Variants in ADGRG1 observed in about 807,000 individuals in gnomAD.
ADGRG1 encodes 7-transmembrane protein with no EGF-like N-terminal domains-1.
ADGRG1 carries 53 observed loss-of-function variants against 73.5 expected under a neutral mutation model. The ratio of observed to expected loss-of-function variants is 0.72; its 90% CI spans 0.58 to 0.91. The LOEUF is 0.91. Among genes scored for constraint, ADGRG1 ranks in the 40% least tolerant of loss-of-function variants. ADGRG1 has a pLI of 0.00. For synonymous variants in ADGRG1, 394 were observed against 374.4 expected, an observed-to-expected ratio of 1.05 and a Z score of -0.60; for missense variants, 795 against 871.8, an observed-to-expected ratio of 0.91 and a Z score of 1.11.
intron 12 of ADGRG1, 128 bp downstream of exon 12, chr16:57,661,004 G>T: frequency 1.4e-6 from 1 of 728,720 alleles, no homozygotes; most frequent in Admixed American, 2.0e-5. Context: ...AATTGGCCTG[G>T]CAGTGGCTGA....
chr16:57,652,540 G>C (rs1457372524), intron 3 of ADGRG1: 2 of 750,512 alleles, frequency 2.7e-6, no homozygotes, highest in African/African-American at 3.8e-5. Context: ...TTGCAAATTG[G>C]CATTCTGAAG....
chr16:57,637,636 G>A (rs2039699111), intron 1 of ADGRG1: 1 of 985,256 alleles, frequency 1.0e-6, no homozygotes, highest in South Asian at 4.7e-5. Flanking sequence ...TCTTCCTCCG[G>A]GGGCCAAAAA....
intron 1 of ADGRG1, chr16:57,645,044 T>C (rs192325247): frequency 1.5e-5 from 15 of 979,594 alleles, no homozygotes; most frequent in East Asian, 1.1e-4. Flanking sequence ...CTCATGCACA[T>C]ACACACACTC....
At chr16:57,653,854 C>T in intron 4 of ADGRG1, 132 bp from the exon 5 acceptor site, 2 of 1,581,636 alleles carry the variant, frequency 1.3e-6, no homozygotes, top group South Asian at 1.1e-5. Flanking sequence ...CCACCCCACC[C>T]CTCTCTCTGC....
At chr16:57,627,072 T>C, upstream of ADGRG1, 1 of 984,358 alleles carries the variant, frequency 1.0e-6, no homozygotes, top group South Asian at 4.7e-5. Flanking sequence ...GGAAGCACAG[T>C]GCCGTTTTCT....
rs763662571 is a variant in ADGRG1 at position 57,657,437 on chromosome 16, G to C, written c.1232G>C (p.Cys411Ser). The C allele has an allele frequency of 1.2e-6, 2 of 1,614,056 alleles. No homozygotes were observed. The highest frequency in any genetic ancestry group is 2.2e-5 in the East Asian group (1 of 44,888). Residue 411 changes from cysteine to serine, a missense_variant, in exon 10 of 14, where the codon TGT becomes TCT. Transcript: ENST00000562631. ...HYLSLLSYVG[C>S]VVSALACLVT... Reference sequence around the variant, plus strand: ...CTGAGCCTCCTCTCCTACGTGGGCTGTGTCGTCTCTGCCCTGGCCTGCCTT... The same window carrying C: ...CTGAGCCTCCTCTCCTACGTGGGCTCTGTCGTCTCTGCCCTGGCCTGCCTT...
rs554468322 is a variant in ADGRG1, at chr16:57,636,701, C to T, written c.-36+7899C>T. 5.1e-6 allele frequency: 5 copies of T among 985,038 alleles called. No homozygotes were observed. The African/African-American group carries it at 7.0e-5, about 14-fold the overall frequency. The allele number at this position is 985,038 out of a possible 1,614,324, so 61.0% of individuals were successfully genotyped here. A position where few individuals can be genotyped will look rare whatever the true frequency, so the allele number is the denominator to read the frequency against. On this transcript the variant is annotated intron_variant, in intron 1 of 13. Transcript: ENST00000562631. ...GAGCCTGCCTGCCCTGGGTTAGAGT[C>T]CCAGCTCCGTCTCAGTCTTCATTTA...
At chr16:57,643,334 T>C (rs1051407029) in intron 1 of ADGRG1, 1 of 152,844 alleles carries the variant, frequency 6.5e-6, no homozygotes, top group African/African-American at 2.4e-5. Context: ...GTTCCGCATA[T>C]GGGAGGCAGC....
chr16:57,654,409 A>AG (rs1425056910), intron 5 of ADGRG1, among the ~76,000 whole-genome samples: 2 of 45,086 alleles, frequency 4.4e-5, no homozygotes, highest in African/African-American at 1.3e-4. Flanking sequence ...CTGTCCACGC[A>AG]CCCCCCCCCC....
upstream of ADGRG1, chr16:57,623,314 C>T (rs2035221297): frequency 5.2e-6 from 4 of 774,984 alleles, no homozygotes; most frequent in Non-Finnish European, 6.3e-6. Context: ...GGGAGTGCCT[C>T]CTCCCTGACC....
chr16:57,652,051 G>A (rs75080283), intron 3 of ADGRG1: 29,815 of 1,067,116 alleles, frequency 0.028, 446 homozygotes, highest in Non-Finnish European at 0.031. Context: ...GGAAACTGGG[G>A]CACAGAGAGG....
chr16:57,653,763 T>C, intron 4 of ADGRG1: 1 of 970,854 alleles, frequency 1.0e-6, no homozygotes, highest in African/African-American at 1.8e-5. Context: ...CTCCTCTGTC[T>C]GACCCTACCC....
At chr16:57,642,283 G>C (rs1217420736) in intron 1 of ADGRG1, 1 of 985,280 alleles carries the variant, frequency 1.0e-6, no homozygotes, top group African/African-American at 1.7e-5. Context: ...GGATAGGCCT[G>C]AATATACCCC....
At chr16:57,624,706 G>C, upstream of ADGRG1, 1 of 984,708 alleles carries the variant, frequency 1.0e-6, no homozygotes, top group Non-Finnish European at 1.2e-6. Flanking sequence ...CCAGGCCTCA[G>C]TCACAGCAGA....
rs2305309 is a variant in ADGRG1 at position 57,657,353 on chromosome 16, C to A, written c.1168-20C>A. 0.41 allele frequency: 662,495 copies of A among 1,613,080 alleles called. 140,326 individuals carry two copies. Among genetic ancestry groups the A allele is most frequent in the Admixed American group, 0.5 (29,967 of 59,996 alleles). On this transcript the variant is annotated intron_variant, in intron 9 of 13. Coordinates refer to ENST00000562631, the MANE Select transcript of ADGRG1 (RefSeq NM_201525.4). ...TGTGGGGGACACAGAGGCCAGCTCT[C>A]TCCTGTCTCCTGGGGCCAGGTCTCC...
chr16:57,651,537 G>T lies in ADGRG1; in HGVS notation c.402G>T (p.Pro134=), dbSNP rs149607882. 1.2e-6 allele frequency: 2 copies of T among 1,614,168 alleles called. No individual in the cohort carries two copies. Among genetic ancestry groups the T allele is most frequent in the Middle Eastern group, 1.6e-4 (1 of 6,062 alleles). ...AGGAGAGCCTGGCTCAGGGCCCCCCGCTGTTAGCCACTTCTGTCACCTCCT... is the reference window on the plus strand; with the variant it reads ...AGGAGAGCCTGGCTCAGGGCCCCCCTCTGTTAGCCACTTCTGTCACCTCCT... ...HQEESLAQGP[P]LLATSVTSWW... is the part of the protein sequence containing the mutation. Residue 134 remains proline (P), a synonymous_variant, in exon 3 of 14, where the codon CCG becomes CCT. Coordinates refer to ENST00000562631, the MANE Select transcript of ADGRG1 (RefSeq NM_201525.4).
upstream of ADGRG1, chr16:57,625,721 G>T (rs1305275573): frequency 9.7e-6 from 9 of 928,286 alleles, no homozygotes; most frequent in Non-Finnish European, 1.2e-5. Flanking sequence ...GGCTAATCAG[G>T]CCTCTCCCTA....
rs143415606 is a variant in ADGRG1 at position 57,647,736 on chromosome 16, C to A, written c.-35-2517C>A. 8.8e-4 allele frequency: 846 copies of A among 960,144 alleles called. 6 individuals carry two copies. The African/African-American group carries it at 0.014, about 16-fold the overall frequency. 59.5% of individuals were successfully genotyped at this position (960,144 alleles called of 1,614,324 possible). The stretch of plus-strand genomic sequence containing the variant: ...GCATGTTAATGGAGCCAGGGCTGTC[C>A]ACCTTGGAGTAGTTGTTCAAACAGC... On this transcript the variant is annotated intron_variant, in intron 1 of 13. Coordinates refer to ENST00000562631, the MANE Select transcript of ADGRG1 (RefSeq NM_201525.4).
chr16:57,645,781 G>A (rs888392211), intron 1 of ADGRG1, among the ~76,000 whole-genome samples: 5 of 152,208 alleles, frequency 3.3e-5, no homozygotes, highest in African/African-American at 1.2e-4. Flanking sequence ...CCCACCGGCA[G>A]GCTTGGGAGC....
Sources: allele counts gnomAD v4.1 joint callset (sites outside exome capture counted in the v4.1 genomes callset), GRCh38; gene constraint gnomAD v4.1.1; transcripts MANE v1.5; gene names NCBI Gene and HGNC (gene_info 2026-07-23, HGNC 2026-07-21).